The following HDAC1 variants were observed in gnomAD, a reference collection of about 807,000 sequenced individuals.
The protein encoded by HDAC1 is histone deacetylase 1, also known as protein deacetylase HDAC1.
In HDAC1, 18 loss-of-function variants were observed where a neutral mutation model predicts 65.5. The observed-to-expected ratio is 0.27, with a 90% CI of 0.19 to 0.41. The LOEUF (loss-of-function observed/expected upper bound fraction) is 0.41. HDAC1 is among the 10% of genes least tolerant of loss of function. HDAC1 has a pLI of 1.00. For missense variants in HDAC1, 373 were observed against 625.2 expected, an observed-to-expected ratio of 0.60 and a Z score of 4.30; for synonymous variants, 211 against 227.9, an observed-to-expected ratio of 0.93 and a Z score of 0.67.
chr1:32,329,206 T>C lies in HDAC1; in HGVS notation c.729+46T>C, dbSNP rs781311606. The C allele has an allele frequency of 8.4e-7, 1 of 1,194,536 alleles. No individual in the cohort carries two copies. Among genetic ancestry groups the C allele is most frequent in the Non-Finnish European group, 1.3e-6 (1 of 796,792 alleles). 74.0% of individuals were successfully genotyped at this position (1,194,536 alleles called of 1,614,324 possible). On this transcript the variant is annotated intron_variant, in intron 7 of 13. Coordinates refer to ENST00000373548, the MANE Select transcript of HDAC1 (RefSeq NM_004964.3). The surrounding 1 kb of genome is among the most constrained non-coding windows in gnomAD (Gnocchi z 4.1). ...CTTGGGCTACAAACAGGGGATTGGT[T>C]GGCGGTGGAGGGGAGCAAAGCACCC... is the stretch of plus-strand genomic sequence containing the variant.
intron 12 of HDAC1, 58 bp from the exon 13 acceptor site, chr1:32,332,643 C>T: frequency 7.7e-7 from 1 of 1,296,230 alleles, no homozygotes; most frequent in Admixed American, 2.0e-5. Context: ...TAAATGAAGA[C>T]CTCATGGGTC....
Position 32,292,139 on chromosome 1 carries a change from C to A in HDAC1, c.-31C>A. ...GCCGCGGGCGGGAGGGCGGACGGAC[C>A]GACTGACGGTAGGGACGGGAGGCGA... On this transcript the variant is annotated 5_prime_UTR_variant, in exon 1 of 14. Coordinates refer to ENST00000373548, the MANE Select transcript of HDAC1 (RefSeq NM_004964.3). The A allele has an allele frequency of 3.2e-6, 5 of 1,546,584 alleles. No homozygotes were observed. The highest frequency in any genetic ancestry group is 1.2e-5 in the South Asian group (1 of 83,936).
intron 2 of HDAC1, among the ~76,000 whole-genome samples, chr1:32,306,104 G>A (rs191442577): frequency 6.6e-6 from 1 of 151,768 alleles, no homozygotes; most frequent in Admixed American, 6.6e-5. Flanking sequence ...AGTAAGTCTT[G>A]TTATCTGGTA....
intron 3 of HDAC1, among the ~76,000 whole-genome samples, chr1:32,320,293 A>G (rs1415411118): frequency 1.3e-5 from 2 of 151,762 alleles, no homozygotes; most frequent in African/African-American, 2.4e-5. Flanking sequence ...TATGCTTATG[A>G]TAAGATCGAG....
intron 12 of HDAC1, among the ~76,000 whole-genome samples, 186 bp from the exon 13 acceptor site, chr1:32,332,515 G>A (rs540427006): frequency 6.6e-6 from 1 of 152,344 alleles, no homozygotes; most frequent in Non-Finnish European, 1.5e-5. Context: ...GGTTCTGGCT[G>A]TAGCAGGCTG....
chr1:32,293,679 G>A (rs548495150), intron 1 of HDAC1, among the ~76,000 whole-genome samples: 1 of 151,920 alleles, frequency 6.6e-6, no homozygotes, highest in Non-Finnish European at 1.5e-5. Flanking sequence ...TGAGGCGGGC[G>A]GATCATGAGG....
chr1:32,294,082 CAAAA>C (rs1158264157), intron 1 of HDAC1, among the ~76,000 whole-genome samples: 3 of 148,538 alleles, frequency 2.0e-5, no homozygotes, highest in African/African-American at 7.5e-5. Context: ...AAAAAAAAAA[CAAAA>C]AAATTCAGAT....
chr1:32,323,338 A>AT (rs1460094983), intron 3 of HDAC1, among the ~76,000 whole-genome samples: 4 of 151,412 alleles, frequency 2.6e-5, no homozygotes, highest in Non-Finnish European at 4.4e-5. Context: ...TGAGGCTTGC[A>AT]TACTGCTTCT....
intron 3 of HDAC1, among the ~76,000 whole-genome samples, chr1:32,320,764 G>A (rs951368588): frequency 6.6e-6 from 1 of 151,756 alleles, no homozygotes; most frequent in African/African-American, 2.4e-5. Context: ...GCCATGTGTG[G>A]TGGTATATGC....
At position 32,327,508 on chromosome 1, in the gene HDAC1, C is replaced by T; in HGVS notation, c.495-28C>T. 2 of 1,600,048 alleles carry T rather than the reference C, an allele frequency of 1.2e-6. No individual in the cohort carries two copies. Among genetic ancestry groups the T allele is most frequent in the South Asian group, 1.1e-5 (1 of 90,682 alleles). On this transcript the variant is annotated intron_variant, in intron 5 of 13. Coordinates refer to ENST00000373548, the MANE Select transcript of HDAC1 (RefSeq NM_004964.3). The surrounding 1 kb of genome is among the most constrained non-coding windows in gnomAD (Gnocchi z 6.0). ...GCACGTCCCATCCCCAAAGAGCCCC[C>T]AGACCCCTGACCCCCTTCTGATCCT...
chr1:32,302,720 A>C lies in HDAC1; in HGVS notation c.149A>C (p.Lys50Thr). 6.4e-7 allele frequency: 1 copy of C among 1,556,122 alleles called. No individual in the cohort carries two copies. Among genetic ancestry groups the C allele is most frequent in the Non-Finnish European group, 8.9e-7 (1 of 1,127,108 alleles). ...NLLLNYGLYRKMEIYRPHKAN... is the reference protein window; with the variant it reads ...NLLLNYGLYRTMEIYRPHKAN... ...CTGCTCAACTATGGTCTCTACCGAA[A>C]AATGGAAATCTATGTGAGTTACCAG... The change falls in exon 2 of 14, where the codon AAA becomes ACA. Residue 50 changes from lysine (K) to threonine (T), a missense_variant. This residue lies in a region of HDAC1 where 80 missense variants were observed against 126.3 expected (regional missense o/e 0.63). Coordinates refer to ENST00000373548, the MANE Select transcript of HDAC1 (RefSeq NM_004964.3).
chr1:32,325,984 G>A (rs889584342), intron 4 of HDAC1, among the ~76,000 whole-genome samples: 1 of 151,690 alleles, frequency 6.6e-6, no homozygotes, highest in Non-Finnish European at 1.5e-5. Flanking sequence ...CCGAGATCGC[G>A]CCACTGCACT....
rs894121758 is a variant in HDAC1 at position 32,320,834 on chromosome 1, A to C, written c.281-3645A>C. On this transcript the variant is annotated intron_variant, in intron 3 of 13. Coordinates refer to ENST00000373548, the MANE Select transcript of HDAC1 (RefSeq NM_004964.3). ...AGAATTGTTTGAACCTGGAGGGCAGAGGTTGCAGTGAGCCAAGATCGCGCC... is the reference window on the plus strand; with the variant it reads ...AGAATTGTTTGAACCTGGAGGGCAGCGGTTGCAGTGAGCCAAGATCGCGCC... Among the ~76,000 whole-genome samples, 12 of 129,268 alleles carry C rather than the reference A, an allele frequency of 9.3e-5. 1 individual carries two copies. Among genetic ancestry groups the C allele is most frequent in the African/African-American group, 2.9e-4 (10 of 34,388 alleles). 84.8% of individuals were successfully genotyped at this position (129,268 alleles called of 152,430 possible). A position where few individuals can be genotyped will look rare whatever the true frequency, so the allele number is the denominator to read the frequency against.
At chr1:32,320,772 T>C (rs1206332908) in intron 3 of HDAC1, among the ~76,000 whole-genome samples, 6 of 151,358 alleles carry the variant, frequency 4.0e-5, no homozygotes, top group Non-Finnish European at 5.9e-5. Context: ...TGGTGGTATA[T>C]GCCTGTAATC....
In HDAC1 at chr1:32,328,972, C is replaced by T. The variant is rs992156562; in HGVS notation, c.637-96C>T. On this transcript the variant is annotated intron_variant, in intron 6 of 13. Coordinates refer to ENST00000373548, the MANE Select transcript of HDAC1 (RefSeq NM_004964.3). ...GGCCCACATCATGGGCCTAGCTTGT[C>T]TCTCTTGAACCTCTTCCTTTATCCC... 4.6e-5 allele frequency: 37 copies of T among 802,090 alleles called. No homozygotes were observed. In the Admixed American group the frequency reaches 6.2e-4, roughly 14 times the overall value. The allele number at this position is 802,090 out of a possible 1,614,324, so 49.7% of individuals were successfully genotyped here.
chr1:32,325,742 G>A (rs1641207650), intron 4 of HDAC1, among the ~76,000 whole-genome samples: 1 of 152,192 alleles, frequency 6.6e-6, no homozygotes, highest in African/African-American at 2.4e-5. Flanking sequence ...AATCAACACT[G>A]CAGCTGGACA....
intron 2 of HDAC1, among the ~76,000 whole-genome samples, chr1:32,303,281 A>G (rs1328292008): frequency 1.3e-5 from 2 of 151,934 alleles, no homozygotes; most frequent in African/African-American, 4.8e-5. Flanking sequence ...CCGGGTCAAC[A>G]TGGCAAGACC....
chr1:32,332,580 C>A (rs1376968589), intron 12 of HDAC1, 121 bp from the exon 13 acceptor site: 2 of 751,606 alleles, frequency 2.7e-6, no homozygotes, highest in East Asian at 5.4e-5. Context: ...CAGGGATGGG[C>A]TTTTCTCTCT....
intron 1 of HDAC1, among the ~76,000 whole-genome samples, chr1:32,296,726 T>C (rs1381781717): frequency 6.6e-6 from 1 of 151,986 alleles, no homozygotes; most frequent in East Asian, 1.9e-4. Context: ...GGAGAGAGGA[T>C]TGTTGATAAG....
Sources: allele counts gnomAD v4.1 joint callset (sites outside exome capture counted in the v4.1 genomes callset), GRCh38; gene constraint gnomAD v4.1.1; regional missense constraint gnomAD v4.1.1; non-coding constraint Gnocchi (gnomAD v3.1); transcripts MANE v1.5; gene names NCBI Gene and HGNC (gene_info 2026-07-23, HGNC 2026-07-21).